The following KLHL20 variants were observed in gnomAD, a reference collection of about 807,000 sequenced individuals.
KLHL20 encodes kelch-like protein 20.
KLHL20 carries 29 observed loss-of-function variants against 69.5 expected under a neutral mutation model. The ratio of observed to expected loss-of-function variants is 0.42; its 90% CI spans 0.31 to 0.57. The LOEUF is 0.57. Ranked by LOEUF, KLHL20 falls within the 20% of genes least tolerant of loss-of-function variation. The pLI is 0.18. For synonymous variants in KLHL20, 253 were observed against 265.2 expected, an observed-to-expected ratio of 0.95 and a Z score of 0.45; for missense variants, 419 against 776.0, an observed-to-expected ratio of 0.54 and a Z score of 5.47.
chr1:173,766,305 A>G lies in KLHL20; in HGVS notation c.1295+16A>G, dbSNP rs1362660667. 6.4e-7 allele frequency: 1 copy of G among 1,566,984 alleles called. No individual in the cohort carries two copies. Among genetic ancestry groups the G allele is most frequent in the Admixed American group, 2.1e-5 (1 of 48,446 alleles). ...TTGTTGAGAGGTGATCTTTTTTTTA[A>G]GTCATTTTCCGTATTTTTATTTTAA... is the stretch of plus-strand genomic sequence containing the variant. On this transcript the variant is annotated intron_variant, in intron 8 of 11. Transcript: ENST00000209884.
intron 3 of KLHL20, among the ~76,000 whole-genome samples, chr1:173,735,762 TC>T (rs1299544737): frequency 6.6e-6 from 1 of 151,924 alleles, no homozygotes; most frequent in Non-Finnish European, 1.5e-5. Flanking sequence ...CTCCCACACT[TC>T]CCCCTGAATC....
At chr1:173,782,603 A>AT (rs1168538531) in intron 11 of KLHL20, among the ~76,000 whole-genome samples, 1 of 152,122 alleles carries the variant, frequency 6.6e-6, no homozygotes, top group Non-Finnish European at 1.5e-5. Flanking sequence ...TGTCCATGCC[A>AT]TTTTTTGGTG....
intron 2 of KLHL20, among the ~76,000 whole-genome samples, chr1:173,732,284 G>T (rs373138937): frequency 6.6e-6 from 1 of 151,302 alleles, no homozygotes; most frequent in Non-Finnish European, 1.5e-5. Flanking sequence ...CAAGACCAGC[G>T]TGGGCAACTT....
At chr1:173,741,856 C>G in intron 3 of KLHL20, 2 of 1,585,428 alleles carry the variant, frequency 1.3e-6, no homozygotes, top group Non-Finnish European at 1.7e-6. Context: ...GGCTGCTCCA[C>G]TGTCCTCTGC....
chr1:173,778,746 A>G (rs571576546), intron 10 of KLHL20, among the ~76,000 whole-genome samples: 28 of 152,146 alleles, frequency 1.8e-4, no homozygotes, highest in Non-Finnish European at 3.1e-4. Context: ...TTTCTAATGT[A>G]TTGGCATATA....
At position 173,777,814 on chromosome 1, in the gene KLHL20, G is replaced by C. The variant is rs977473319; in HGVS notation, c.1638+1972G>C. ...AATGTGTCATTGAATTCAGTTTGCT[G>C]GGATTTTGTTGAAGATTTTTGCATC... On this transcript the variant is annotated intron_variant, in intron 10 of 11. Coordinates refer to ENST00000209884, the MANE Select transcript of KLHL20 (RefSeq NM_014458.4). 2.6e-5 allele frequency among the ~76,000 whole-genome samples: 4 copies of C among 152,088 alleles called. No individual in the cohort carries two copies. The South Asian group carries it at 8.3e-4, about 31-fold the overall frequency.
chr1:173,721,552 A>G (rs565328150), intron 2 of KLHL20, among the ~76,000 whole-genome samples: 9 of 152,368 alleles, frequency 5.9e-5, no homozygotes, highest in South Asian at 4.1e-4. Flanking sequence ...CTATCCTGAT[A>G]TAAAGGGAAA....
intron 7 of KLHL20, among the ~76,000 whole-genome samples, chr1:173,765,211 T>C (rs1055466233): frequency 1.3e-5 from 2 of 152,090 alleles, no homozygotes; most frequent in African/African-American, 4.8e-5. Flanking sequence ...TTTTAAAAAT[T>C]AAGCATACTC....
chr1:173,727,927 C>A (rs1041782178), intron 2 of KLHL20, among the ~76,000 whole-genome samples: 7 of 152,000 alleles, frequency 4.6e-5, no homozygotes, highest in African/African-American at 1.4e-4. Flanking sequence ...AAATGGACTA[C>A]ATGCTTCAAT....
intron 3 of KLHL20, among the ~76,000 whole-genome samples, chr1:173,745,774 T>C (rs768843231): frequency 6.6e-6 from 1 of 152,216 alleles, no homozygotes; most frequent in Non-Finnish European, 1.5e-5. Flanking sequence ...TACATACTTA[T>C]TTGTTTCTGA....
chr1:173,740,666 G>A (rs553043118), intron 3 of KLHL20, among the ~76,000 whole-genome samples: 7 of 151,824 alleles, frequency 4.6e-5, no homozygotes, highest in Admixed American at 3.3e-4. Context: ...CATTTCAGGA[G>A]CAGGTTATTT....
intron 3 of KLHL20, 61 bp downstream of exon 3, chr1:173,734,347 C>T: frequency 7.3e-7 from 1 of 1,366,220 alleles, no homozygotes. Flanking sequence ...GGTTCACATT[C>T]TGCTAAATAA....
chr1:173,772,724 C>T (rs1240651206), intron 8 of KLHL20, among the ~76,000 whole-genome samples: 2 of 152,130 alleles, frequency 1.3e-5, no homozygotes, highest in Non-Finnish European at 2.9e-5. Context: ...CATTGATAAA[C>T]AGCTGCTAAC....
chr1:173,744,595 T>C (rs1672972498), intron 3 of KLHL20, among the ~76,000 whole-genome samples: 1 of 152,176 alleles, frequency 6.6e-6, no homozygotes, highest in Non-Finnish European at 1.5e-5. Context: ...ACACATATTT[T>C]TTCTAGCATG....
intron 2 of KLHL20, among the ~76,000 whole-genome samples, chr1:173,728,806 C>T (rs1022901131): frequency 2.6e-5 from 4 of 151,816 alleles, no homozygotes; most frequent in Non-Finnish European, 5.9e-5. Context: ...ACTAACATCA[C>T]AATTAAAAGA....
chr1:173,745,228 A>G (rs555567784), intron 3 of KLHL20, among the ~76,000 whole-genome samples: 56 of 144,002 alleles, frequency 3.9e-4, no homozygotes, highest in African/African-American at 1.3e-3. Context: ...GTGGAGTGCA[A>G]TGACGTGACC....
intron 2 of KLHL20, among the ~76,000 whole-genome samples, chr1:173,731,250 C>T (rs1205505766): frequency 6.6e-6 from 1 of 152,148 alleles, no homozygotes; most frequent in Non-Finnish European, 1.5e-5. Flanking sequence ...GAAATAGAAA[C>T]ACTTTTACAC....
intron 7 of KLHL20, among the ~76,000 whole-genome samples, chr1:173,763,179 AAAGACCTC>A (rs1647431972): frequency 6.6e-6 from 1 of 152,180 alleles, no homozygotes; most frequent in African/African-American, 2.4e-5. Context: ...AAAGGAGTCA[AAAGACCTC>A]AAGACCTCTA....
intron 3 of KLHL20, chr1:173,741,668 CA>C (rs1214326457): frequency 2.7e-6 from 2 of 749,292 alleles, no homozygotes; most frequent in Admixed American, 3.5e-5. Context: ...GACCTTCCCA[CA>C]AGAACATGCC....
Sources: allele counts gnomAD v4.1 joint callset (sites outside exome capture counted in the v4.1 genomes callset), GRCh38; gene constraint gnomAD v4.1.1; transcripts MANE v1.5; gene names NCBI Gene and HGNC (gene_info 2026-07-23, HGNC 2026-07-21).